SYT16: variants seen among roughly 807,000 people sequenced by gnomAD.
The protein encoded by SYT16 is synaptotagmin 16, also known as synaptotagmin-16.
In SYT16, 42 loss-of-function variants were observed where a neutral mutation model predicts 61.4. That is an observed-to-expected ratio of 0.68 (90% CI 0.53 to 0.89). The LOEUF (loss-of-function observed/expected upper bound fraction) is 0.89, where lower values mean the gene tolerates loss of function less well. Among genes scored for constraint, SYT16 ranks in the 40% least tolerant of loss-of-function variants. SYT16 has a pLI of 0.00. For missense variants in SYT16, 804 were observed against 807.3 expected (o/e 1.00, Z 0.05); for synonymous variants, 314 against 302.3 (o/e 1.04, Z -0.40).
intron 1 of SYT16, among the ~76,000 whole-genome samples, chr14:61,902,417 G>A (rs1007795135): frequency 3.3e-4 from 50 of 152,154 alleles, no homozygotes; most frequent in Admixed American, 7.9e-4. Context: ...ACCCATTACA[G>A]GTACAGTTAA....
At chr14:61,845,329 G>C (rs1448702787) in intron 1 of SYT16, among the ~76,000 whole-genome samples, 1 of 152,190 alleles carries the variant, frequency 6.6e-6, no homozygotes, top group East Asian at 1.9e-4. Context: ...TTACAGGCGT[G>C]AGCCACTGTG....
In SYT16 at chr14:61,977,923, C is replaced by T. The variant is rs541080809; in HGVS notation, c.-145+7612C>T. The stretch of plus-strand genomic sequence containing the variant: ...TGAAATCAAGGTGTCAGCAGGGCCA[C>T]GATCCCTGGAGACTCTAGGGAGAAT... On this transcript the variant is annotated intron_variant, in intron 2 of 7. Transcript: ENST00000683842. Among the ~76,000 whole-genome samples the T allele has an allele frequency of 9.2e-5, 14 of 152,272 alleles. No individual in the cohort carries two copies. In the East Asian group the frequency reaches 1.2e-3, roughly 13 times the overall value.
At chr14:62,009,648 T>G (rs905514979) in intron 3 of SYT16, among the ~76,000 whole-genome samples, 1 of 152,086 alleles carries the variant, frequency 6.6e-6, no homozygotes, top group Non-Finnish European at 1.5e-5. Context: ...TAAAAAGACA[T>G]TGAAAGATGG....
intron 2 of SYT16, among the ~76,000 whole-genome samples, chr14:61,980,675 G>A (rs1250388525): frequency 6.6e-6 from 1 of 152,148 alleles, no homozygotes; most frequent in East Asian, 1.9e-4. Context: ...AAAGAGAGTT[G>A]TAGTCCCTAC....
chr14:62,084,447 G>C (rs1315349552), intron 7 of SYT16, 62 bp downstream of exon 7: 1 of 1,520,232 alleles, frequency 6.6e-7, no homozygotes, highest in Non-Finnish European at 8.8e-7. Flanking sequence ...AGCCCTGTCT[G>C]CTTTCATCTT....
At chr14:61,969,541 TA>T (rs950964444) in intron 1 of SYT16, among the ~76,000 whole-genome samples, 3 of 152,234 alleles carry the variant, frequency 2.0e-5, no homozygotes, top group African/African-American at 7.2e-5. Flanking sequence ...TAGTCAAAAC[TA>T]CAATTTGCAT....
At chr14:61,950,246 T>G (rs564225239) in intron 1 of SYT16, among the ~76,000 whole-genome samples, 1 of 152,286 alleles carries the variant, frequency 6.6e-6, no homozygotes, top group Non-Finnish European at 1.5e-5. Context: ...TGGCCTTGAT[T>G]CTGGAAAGGT....
intron 3 of SYT16, among the ~76,000 whole-genome samples, chr14:62,022,410 A>G (rs1474226956): frequency 6.6e-6 from 1 of 151,830 alleles, no homozygotes; most frequent in Admixed American, 6.6e-5. Flanking sequence ...TGTTCTTTTG[A>G]AGCTAATATT....
chr14:61,834,428 CTTTT>C (rs35260303), intron 1 of SYT16, among the ~76,000 whole-genome samples: 6 of 76,854 alleles, frequency 7.8e-5, no homozygotes, highest in Admixed American at 1.6e-4. Context: ...CCGTGCCTGG[CTTTT>C]TTTTTTTTTT....
At chr14:61,892,931 G>A (rs982390702) in intron 1 of SYT16, among the ~76,000 whole-genome samples, 2 of 151,790 alleles carry the variant, frequency 1.3e-5, no homozygotes, top group African/African-American at 2.4e-5. Context: ...CCTTTGCCAC[G>A]GTCCAGTGCA....
intron 3 of SYT16, among the ~76,000 whole-genome samples, chr14:62,035,319 A>G (rs2054465661): frequency 1.3e-5 from 2 of 152,174 alleles, no homozygotes; most frequent in African/African-American, 4.8e-5. Flanking sequence ...AATTCTTTCT[A>G]TTTGTGCTGT....
At chr14:62,091,825 C>G (rs1377209570) in intron 7 of SYT16, among the ~76,000 whole-genome samples, 1 of 152,052 alleles carries the variant, frequency 6.6e-6, no homozygotes, top group Non-Finnish European at 1.5e-5. Flanking sequence ...ACAACAAATG[C>G]ATAGGCAACA....
intron 7 of SYT16, among the ~76,000 whole-genome samples, chr14:62,094,345 G>C (rs540827489): frequency 6.6e-6 from 1 of 152,088 alleles, no homozygotes; most frequent in South Asian, 2.1e-4. Context: ...TTGCATACTG[G>C]TCAGTTCTTT....
chr14:62,093,406 G>T (rs1005767578), intron 7 of SYT16, among the ~76,000 whole-genome samples: 2 of 151,828 alleles, frequency 1.3e-5, no homozygotes, highest in African/African-American at 4.8e-5. Flanking sequence ...AATATAAAGG[G>T]ACAAAAATTG....
chr14:61,987,465 A>T (rs1329142137), intron 2 of SYT16, among the ~76,000 whole-genome samples: 3 of 152,206 alleles, frequency 2.0e-5, no homozygotes, highest in Non-Finnish European at 4.4e-5. Flanking sequence ...GGGGTCATTT[A>T]AGAGACTGTT....
At chr14:61,924,061 A>T (rs148838239) in intron 1 of SYT16, among the ~76,000 whole-genome samples, 1 of 152,336 alleles carries the variant, frequency 6.6e-6, no homozygotes, top group Non-Finnish European at 1.5e-5. Flanking sequence ...GGAAAGGGAT[A>T]TGGAGACACT....
At chr14:61,884,561 G>T (rs891119615) in intron 1 of SYT16, among the ~76,000 whole-genome samples, 1 of 152,210 alleles carries the variant, frequency 6.6e-6, no homozygotes, top group Non-Finnish European at 1.5e-5. Flanking sequence ...TTGCAAGAAA[G>T]CCTGACCAGT....
At chr14:61,942,624 T>C (rs2050252578) in intron 1 of SYT16, among the ~76,000 whole-genome samples, 1 of 152,224 alleles carries the variant, frequency 6.6e-6, no homozygotes, top group Admixed American at 6.5e-5. Context: ...TGATATGTAC[T>C]GAGTATTTTT....
chr14:61,837,518 C>T (rs1340498698), intron 1 of SYT16, among the ~76,000 whole-genome samples: 2 of 152,124 alleles, frequency 1.3e-5, no homozygotes, highest in African/African-American at 2.4e-5. Flanking sequence ...TGATTACAGG[C>T]GTGAGCTGCC....
Sources: gnomAD v4.1 joint callset for allele counts (sites outside exome capture counted in the v4.1 genomes callset) on GRCh38, gnomAD v4.1.1 for gene constraint, MANE v1.5 for transcripts, NCBI Gene and HGNC (gene_info 2026-07-23, HGNC 2026-07-21) for gene names.